The following DGKH variants were observed in gnomAD, a reference collection of about 807,000 sequenced individuals.
DGKH encodes the protein diacylglycerol kinase eta.
DGKH carries 90 observed loss-of-function variants against 159.3 expected under a neutral mutation model. That is an observed-to-expected ratio of 0.57 (90% CI 0.48 to 0.67). The LOEUF is 0.67. Among genes scored for constraint, DGKH ranks in the 30% least tolerant of loss-of-function variants. The probability of loss-of-function intolerance (pLI) is 0.00; values close to 1 mark genes in which losing one functional copy is unlikely to be tolerated. For missense variants in DGKH, 1,181 were observed against 1,506.1 expected (o/e 0.78, Z 3.57); for synonymous variants, 536 against 553.8 (o/e 0.97, Z 0.45).
intron 1 of DGKH, among the ~76,000 whole-genome samples, chr13:42,122,567 T>C (rs972882930): frequency 2.0e-5 from 3 of 152,210 alleles, no homozygotes; most frequent in African/African-American, 4.8e-5. Flanking sequence ...AATCCATTCA[T>C]GCAGGCAGAG....
chr13:42,214,149 A>G (rs1456751475), intron 24 of DGKH, among the ~76,000 whole-genome samples: 3 of 152,200 alleles, frequency 2.0e-5, no homozygotes, highest in African/African-American at 4.8e-5. Flanking sequence ...TGCAGTTTCA[A>G]TGAATGAAAG....
chr13:42,048,421 C>A (rs1363300086), upstream of DGKH, among the ~76,000 whole-genome samples: 1 of 76 alleles, frequency 0.013, no homozygotes, highest in Non-Finnish European at 0.026. The surrounding 1 kb of genome is among the most constrained non-coding windows in gnomAD (Gnocchi z 6.7). Flanking sequence ...GGACCCAGAC[C>A]GTAAGGGAGT....
At chr13:42,252,055 A>G (rs1958624309) in intron 29 of DGKH, among the ~76,000 whole-genome samples, 1 of 152,146 alleles carries the variant, frequency 6.6e-6, no homozygotes, top group South Asian at 2.1e-4. Context: ...TGTGGTCACA[A>G]GTGATATTAC....
chr13:42,070,367 G>A, intron 1 of DGKH: 12 of 1,429,144 alleles, frequency 8.4e-6, no homozygotes, highest in Non-Finnish European at 1.2e-5. Context: ...AAAGTCAGCT[G>A]CATCTGTTCA....
intron 1 of DGKH, among the ~76,000 whole-genome samples, chr13:42,055,213 G>A (rs886882596): frequency 1.8e-4 from 28 of 152,184 alleles, no homozygotes; most frequent in Admixed American, 1.7e-3. Flanking sequence ...GCATTGCAAA[G>A]TTAAGGTGCT....
intron 1 of DGKH, among the ~76,000 whole-genome samples, chr13:42,082,185 G>C (rs1032501505): frequency 6.6e-6 from 1 of 151,806 alleles, no homozygotes; most frequent in African/African-American, 2.4e-5. Context: ...GGCTCATGAG[G>C]AGACCTGCAT....
chr13:42,054,284 G>C (rs1881585343), intron 1 of DGKH, among the ~76,000 whole-genome samples: 1 of 152,150 alleles, frequency 6.6e-6, no homozygotes, highest in Admixed American at 6.5e-5. Context: ...GGAAACATGG[G>C]AATCATAATG....
At chr13:42,128,932 A>G (rs1363645562) in intron 2 of DGKH, among the ~76,000 whole-genome samples, 1 of 152,206 alleles carries the variant, frequency 6.6e-6, no homozygotes, top group African/African-American at 2.4e-5. Context: ...CCTTGCTGGA[A>G]CAACGCTGAA....
chr13:42,103,146 T>G (rs1043272885), intron 1 of DGKH, among the ~76,000 whole-genome samples: 4 of 152,160 alleles, frequency 2.6e-5, no homozygotes, highest in Non-Finnish European at 5.9e-5. Context: ...GGGGTTATAG[T>G]GTGGGTAATT....
chr13:42,127,540 A>G lies in DGKH; in HGVS notation c.270A>G (p.Arg90=). The G allele has an allele frequency of 6.2e-7, 1 of 1,613,784 alleles. No individual in the cohort carries two copies. Among genetic ancestry groups the G allele is most frequent in the African/African-American group, 1.3e-5 (1 of 75,012 alleles). ...QRWKKRYFKL[R]GRTLYYAKDS... ...GGAAAAAGCGATACTTCAAACTTCG[A>G]GGCCGCACCCTTTACTATGCAAAGG... The change falls in exon 2 of 30, where the codon CGA becomes CGG. Residue 90 remains arginine (R), a synonymous_variant. Transcript: ENST00000337343.
chr13:42,062,979 G>T lies in DGKH; in HGVS notation c.192+14014G>T, dbSNP rs114495844. On this transcript the variant is annotated intron_variant, in intron 1 of 29. Coordinates refer to ENST00000337343, the MANE Select transcript of DGKH (RefSeq NM_178009.5). ...TGGGAAGAAAAATCTGGTATTTCTT[G>T]GTGGCTCTCATAAAAACTGGTAAAA... Among the ~76,000 whole-genome samples, 470 of 152,118 alleles carry T rather than the reference G, an allele frequency of 3.1e-3. 3 individuals are homozygous for T. Among genetic ancestry groups the T allele is most frequent in the African/African-American group, 0.011 (456 of 41,486 alleles).
rs2138327378 is a variant in DGKH, at chr13:42,241,919, T to C, written c.*12731T>C. On this transcript the variant is annotated 3_prime_UTR_variant, in exon 30 of 30. Coordinates refer to ENST00000337343, the MANE Select transcript of DGKH (RefSeq NM_178009.5). Reference sequence around the variant, plus strand: ...CCTTCATGAGAAGGAAAAAACTGTATCTTTATTGTCAGTAAGTGTGGAAAA... The same window carrying C: ...CCTTCATGAGAAGGAAAAAACTGTACCTTTATTGTCAGTAAGTGTGGAAAA... 1 of 152,344 alleles carries C rather than the reference T, an allele frequency of 6.6e-6. No homozygotes were observed. The highest frequency in any genetic ancestry group is 3.4e-3 in the Middle Eastern group (1 of 294). The allele number at this position is 152,344 out of a possible 1,614,324, so 9.4% of individuals were successfully genotyped here. A position where few individuals can be genotyped will look rare whatever the true frequency, so the allele number is the denominator to read the frequency against.
intron 1 of DGKH, among the ~76,000 whole-genome samples, chr13:42,115,085 A>C (rs972542379): frequency 6.6e-6 from 1 of 152,226 alleles, no homozygotes; most frequent in Non-Finnish European, 1.5e-5. Flanking sequence ...GAAGTCACAG[A>C]GCTAGTAAAT....
intron 1 of DGKH, among the ~76,000 whole-genome samples, chr13:42,115,974 C>G (rs1566109505): frequency 6.6e-6 from 1 of 152,128 alleles, no homozygotes; most frequent in African/African-American, 2.4e-5. Context: ...GGAACAAAAA[C>G]TTTTCCATAA....
intron 1 of DGKH, among the ~76,000 whole-genome samples, chr13:42,077,819 C>G (rs1025344987): frequency 2.0e-5 from 3 of 152,180 alleles, no homozygotes; most frequent in Non-Finnish European, 4.4e-5. Flanking sequence ...AAATATCCAG[C>G]TATAATGTGA....
At chr13:42,210,800 A>G in intron 24 of DGKH, 35 bp downstream of exon 24, 1 of 1,580,470 alleles carries the variant, frequency 6.3e-7, no homozygotes, top group African/African-American at 1.4e-5. Flanking sequence ...GGCTGTGGGA[A>G]CTGTGGTCTC....
chr13:42,186,014 T>TG (rs137995366), intron 13 of DGKH, among the ~76,000 whole-genome samples: 14,972 of 46,300 alleles, frequency 0.32, 1,015 homozygotes, highest in East Asian at 0.51. Context: ...GGTGGTGGTG[T>TG]GTGTGTGTGT....
intron 3 of DGKH, among the ~76,000 whole-genome samples, chr13:42,149,092 G>A (rs1056527081): frequency 6.6e-6 from 1 of 151,776 alleles, no homozygotes; most frequent in African/African-American, 2.4e-5. Flanking sequence ...ACCATGCTAG[G>A]CTAATTTTTG....
chr13:42,054,606 C>A (rs184937448), intron 1 of DGKH, among the ~76,000 whole-genome samples: 25 of 152,238 alleles, frequency 1.6e-4, no homozygotes, highest in Admixed American at 1.6e-3. Flanking sequence ...CTGGGGAGAA[C>A]TGGATAACTC....
Sources: allele counts gnomAD v4.1 joint callset (sites outside exome capture counted in the v4.1 genomes callset), GRCh38; gene constraint gnomAD v4.1.1; non-coding constraint Gnocchi (gnomAD v3.1); transcripts MANE v1.5; gene names NCBI Gene and HGNC (gene_info 2026-07-23, HGNC 2026-07-21).